Variants in DEPDC4 observed in about 807,000 individuals in gnomAD.
DEPDC4 encodes DEP domain-containing protein 4.
In DEPDC4, 52 loss-of-function variants were observed where a neutral mutation model predicts 52.0. The observed-to-expected ratio is 1.00, with a 90% CI of 0.80 to 1.26. DEPDC4 has a LOEUF of 1.26. DEPDC4 is among the 50% of genes most tolerant of loss of function. DEPDC4 has a pLI of 0.00. For synonymous variants in DEPDC4, 201 were observed against 196.8 expected, an observed-to-expected ratio of 1.02 and a Z score of -0.18; for missense variants, 530 against 546.9, an observed-to-expected ratio of 0.97 and a Z score of 0.31.
chr12:100,274,741 A>G, the DEPDC4 span, among the ~76,000 whole-genome samples: 1 of 152,212 alleles, frequency 6.6e-6, no homozygotes, highest in South Asian at 2.1e-4. Flanking sequence ...GGTTAAGGAA[A>G]ATCTTCAGGA....
chr12:100,234,799 T>G (rs2096138950), intron 9 of DEPDC4, among the ~76,000 whole-genome samples: 1 of 152,214 alleles, frequency 6.6e-6, no homozygotes. Flanking sequence ...GCTTTACACG[T>G]AAGTCCCTCC....
In DEPDC4 at chr12:100,252,225, G is replaced by T; in HGVS notation, c.1325C>A (p.Ala442Glu). The change falls in exon 7 of 10, where the codon GCA becomes GAA. Residue 442 changes from alanine (A) to glutamate (E), a missense_variant. Transcript: ENST00000550587. ...LQAKSLLKVR[A>E]EQLVWFPLEY... ...CAGTGGAAACCAGACCAGTTGTTCTGCCCGCACTTTTAATAATGATTTGGC... is the reference window on the plus strand; with the variant it reads ...CAGTGGAAACCAGACCAGTTGTTCTTCCCGCACTTTTAATAATGATTTGGC... The T allele has an allele frequency of 7.6e-7, 1 of 1,316,424 alleles. No homozygotes were observed. The highest frequency in any genetic ancestry group is 9.8e-7 in the Non-Finnish European group (1 of 1,025,630). 81.5% of individuals were successfully genotyped at this position (1,316,424 alleles called of 1,614,324 possible).
At chr12:100,259,643 A>G (rs1415994185) in intron 3 of DEPDC4, among the ~76,000 whole-genome samples, 4 of 152,214 alleles carry the variant, frequency 2.6e-5, no homozygotes, top group Admixed American at 2.6e-4. Flanking sequence ...ATAGGGAAGT[A>G]TTCGTAAGAT....
chr12:100,260,766 C>T (rs958178001), intron 3 of DEPDC4, among the ~76,000 whole-genome samples: 3 of 152,016 alleles, frequency 2.0e-5, no homozygotes, highest in Admixed American at 2.0e-4. Flanking sequence ...CATGGTGGCA[C>T]ACGCCTATAG....
At chr12:100,270,478 T>C (rs749903627), upstream of DEPDC4, among the ~76,000 whole-genome samples, 33 of 152,180 alleles carry the variant, frequency 2.2e-4, no homozygotes, top group Non-Finnish European at 4.1e-4. Flanking sequence ...ATTAACTTCT[T>C]GTTGTAAAAA....
chr12:100,264,267 C>T (rs1057353356), intron 1 of DEPDC4, among the ~76,000 whole-genome samples: 3 of 152,202 alleles, frequency 2.0e-5, no homozygotes, highest in Admixed American at 1.3e-4. Flanking sequence ...CTTCACCAAA[C>T]TCTTTGCCTT....
Position 100,256,114 on chromosome 12 carries a change from C to A in DEPDC4, c.813G>T (p.Glu271Asp), listed in dbSNP as rs748854087. Reference protein sequence around the residue: ...VKTQNLQLNKEEDLVITNTCL... With the variant: ...VKTQNLQLNKDEDLVITNTCL... Reference sequence around the variant, plus strand: ...AAGTGTTAGTGATAACAAGATCTTCCTCTTTGTTTAGTTGAAGATTTTGTG... The same window carrying A: ...AAGTGTTAGTGATAACAAGATCTTCATCTTTGTTTAGTTGAAGATTTTGTG... Residue 271 changes from glutamate to aspartate, a missense_variant, in exon 4 of 10, where the codon GAG (glutamate) becomes GAT (aspartate). Physicochemically the swap from Glu to Asp is conservative, Grantham distance 45. Coordinates refer to ENST00000550587, the MANE Select transcript of DEPDC4 (RefSeq NM_001364818.2). 1.2e-6 allele frequency: 2 copies of A among 1,613,182 alleles called. No individual in the cohort carries two copies. Among genetic ancestry groups the A allele is most frequent in the Non-Finnish European group, 1.7e-6 (2 of 1,179,432 alleles).
chr12:100,238,525 T>G (rs1449504758), downstream of DEPDC4, among the ~76,000 whole-genome samples: 2 of 144,030 alleles, frequency 1.4e-5, no homozygotes, highest in Non-Finnish European at 3.0e-5. Flanking sequence ...TTTTTTTTTT[T>G]GCCCAGGCTG....
chr12:100,270,108 TC>T (rs1278263124), upstream of DEPDC4, among the ~76,000 whole-genome samples: 1 of 151,796 alleles, frequency 6.6e-6, no homozygotes, highest in African/African-American at 2.4e-5. Context: ...TGCCTCAGCC[TC>T]CCGAGTAGCT....
At chr12:100,260,760 G>A (rs528670950) in intron 3 of DEPDC4, among the ~76,000 whole-genome samples, 35 of 152,126 alleles carry the variant, frequency 2.3e-4, no homozygotes, top group African/African-American at 8.2e-4. Context: ...GCCAGGCATG[G>A]TGGCACACGC....
intron 8 of DEPDC4, among the ~76,000 whole-genome samples, chr12:100,244,772 T>C (rs2096178157): frequency 6.6e-6 from 1 of 150,932 alleles, no homozygotes; most frequent in African/African-American, 2.4e-5. Context: ...CAGATATTTA[T>C]TTTTAGCTCC....
Position 100,241,849 on chromosome 12 carries a change from GAAAAA to G in DEPDC4, c.*47-9_*47-5del. 7.9e-6 allele frequency: 8 copies of G among 1,018,592 alleles called. No individual in the cohort carries two copies. Among genetic ancestry groups the G allele is most frequent in the Non-Finnish European group, 8.4e-6 (7 of 834,510 alleles). The allele number at this position is 1,018,592 out of a possible 1,614,324, so 63.1% of individuals were successfully genotyped here. A position where few individuals can be genotyped will look rare whatever the true frequency, so the allele number is the denominator to read the frequency against. ...AAGGGTTGGCAAAACGTAAAGCCTGGAAAAAAAAAAAAAAAACAAAAGAAAAAGAA... is the reference window on the plus strand; with the variant it reads ...AAGGGTTGGCAAAACGTAAAGCCTGGAAAAAAAAAAACAAAAGAAAAAGAA... On this transcript the variant is annotated splice_polypyrimidine_tract_variant and splice_region_variant and intron_variant, in intron 9 of 9. Transcript: ENST00000550587.
downstream of DEPDC4, among the ~76,000 whole-genome samples, chr12:100,239,371 T>C (rs1033697816): frequency 6.6e-6 from 1 of 151,422 alleles, no homozygotes; most frequent in Non-Finnish European, 1.5e-5. Context: ...CCACCACACC[T>C]GGCCAATAAT....
chr12:100,267,135 C>G, upstream of DEPDC4: 2 of 1,574,070 alleles, frequency 1.3e-6, no homozygotes, highest in Non-Finnish European at 1.7e-6. Flanking sequence ...CTCTTCCGAA[C>G]CGGCAGGAAG....
Position 100,240,686 on chromosome 12 carries a change from T to C in DEPDC4, c.*1206A>G, listed in dbSNP as rs907090269. ...AAGGAAAGAAGATAACCATAAAATA[T>C]GGACTGAAGAAGAATTAGAGAGAGA... On this transcript the variant is annotated 3_prime_UTR_variant, in exon 10 of 10. Transcript: ENST00000550587. Among the ~76,000 whole-genome samples the C allele has an allele frequency of 6.6e-6, 1 of 152,142 alleles. No homozygotes were observed.
intron 9 of DEPDC4, among the ~76,000 whole-genome samples, chr12:100,231,995 C>G (rs2153902487): frequency 6.6e-6 from 1 of 151,982 alleles, no homozygotes; most frequent in Non-Finnish European, 1.5e-5. Context: ...TCATTTTTAA[C>G]TTTCGAAGTA....
downstream of DEPDC4, among the ~76,000 whole-genome samples, chr12:100,235,893 C>T (rs370201305): frequency 1.3e-5 from 2 of 152,102 alleles, no homozygotes; most frequent in African/African-American, 4.8e-5. Context: ...ACTCTTAGGC[C>T]TTTGCATTCT....
At chr12:100,242,412 C>T (rs2096163380) in intron 9 of DEPDC4, 74 bp downstream of exon 9, 2 of 147,782 alleles carry the variant, frequency 1.4e-5, no homozygotes, top group South Asian at 4.5e-4. Flanking sequence ...TGAAAACTTA[C>T]GCTCCTATAC....
chr12:100,273,690 C>T, the DEPDC4 span, among the ~76,000 whole-genome samples: 2 of 152,192 alleles, frequency 1.3e-5, no homozygotes, highest in Non-Finnish European at 2.9e-5. Context: ...TCCTCCCTTA[C>T]ATATCTTGGC....
Sources: allele counts gnomAD v4.1 joint callset (sites outside exome capture counted in the v4.1 genomes callset), GRCh38; gene constraint gnomAD v4.1.1; transcripts MANE v1.5; gene names NCBI Gene and HGNC (gene_info 2026-07-23, HGNC 2026-07-21).